The following IL4R variants were observed in gnomAD, a reference collection of about 807,000 sequenced individuals.
IL4R encodes the protein interleukin-4 receptor subunit alpha.
A neutral mutation model predicts 41.5 loss-of-function variants in IL4R; 17 were observed. The observed-to-expected ratio is 0.41, with a 90% CI of 0.28 to 0.61. The LOEUF is 0.61. Ranked by LOEUF, IL4R falls within the 20% of genes least tolerant of loss-of-function variation. The pLI, the probability that IL4R is intolerant of heterozygous loss-of-function variation, is 0.31. For missense variants in IL4R, 974 were observed against 1,043.1 expected (o/e 0.93, Z 0.91); for synonymous variants, 402 against 422.9 (o/e 0.95, Z 0.61).
intron 1 of IL4R, among the ~76,000 whole-genome samples, chr16:27,320,749 T>C (rs2084790398): frequency 6.6e-6 from 1 of 152,162 alleles, no homozygotes; most frequent in Non-Finnish European, 1.5e-5. Flanking sequence ...TATTCTGCCT[T>C]TTTAAAAGGG....
intron 2 of IL4R, among the ~76,000 whole-genome samples, chr16:27,337,957 T>TC (rs2085309948): frequency 6.8e-6 from 1 of 147,120 alleles, no homozygotes; most frequent in Non-Finnish European, 1.5e-5. Context: ...TTTTTTCTTT[T>TC]CCTTTTTTTT....
At chr16:27,344,141 C>T (rs1241524990) in intron 4 of IL4R, among the ~76,000 whole-genome samples, 1 of 151,870 alleles carries the variant, frequency 6.6e-6, no homozygotes, top group Non-Finnish European at 1.5e-5. Flanking sequence ...TCCATCTCTA[C>T]TAAAAATACA....
chr16:27,337,700 C>T (rs569455314), intron 2 of IL4R, among the ~76,000 whole-genome samples: 1 of 151,906 alleles, frequency 6.6e-6, no homozygotes, highest in South Asian at 2.1e-4. Flanking sequence ...CTGCCTCAGC[C>T]TCCTGAGTAG....
In IL4R at chr16:27,359,265, G is replaced by T. The variant is rs183538963; in HGVS notation, c.849+271G>T. 2.0e-5 allele frequency among the ~76,000 whole-genome samples: 3 copies of T among 152,316 alleles called. No individual in the cohort carries two copies. The East Asian group carries it at 5.8e-4, about 29-fold the overall frequency. ...CTCCCCTTGGGAGAATGACCCTTGG[G>T]TCATCATCACTGTGTCATTCCCTGG... On this transcript the variant is annotated intron_variant, in intron 9 of 10. Transcript: ENST00000395762.
chr16:27,347,727 C>T (rs891327231), intron 6 of IL4R, among the ~76,000 whole-genome samples: 4 of 152,216 alleles, frequency 2.6e-5, no homozygotes, highest in African/African-American at 9.7e-5. Context: ...ACCTGGGGTC[C>T]CACAGGGCTG....
In IL4R at chr16:27,362,951, C is replaced by A; in HGVS notation, c.1599C>A (p.Val533=). The change falls in exon 11 of 11, where the codon GTC becomes GTA. Residue 533 remains valine (V), a synonymous_variant. Coordinates refer to ENST00000395762, the MANE Select transcript of IL4R (RefSeq NM_000418.4). The part of the protein sequence containing the change: ...LEEVEPEMPC[V]PQLSEPTTVP... ...AAGTAGAACCCGAGATGCCCTGTGT[C>A]CCCCAGCTCTCTGAGCCAACCACTG... is the stretch of plus-strand genomic sequence containing the variant. 1.2e-6 allele frequency: 2 copies of A among 1,614,148 alleles called. No individual in the cohort carries two copies. Among genetic ancestry groups the A allele is most frequent in the Non-Finnish European group, 1.7e-6 (2 of 1,180,034 alleles).
At chr16:27,352,783 G>A in intron 7 of IL4R, 87 bp downstream of exon 7, 1 of 1,373,578 alleles carries the variant, frequency 7.3e-7, no homozygotes, top group Non-Finnish European at 1.0e-6. Context: ...GAGTCTCTGG[G>A]CTTTTATATC....
intron 2 of IL4R, among the ~76,000 whole-genome samples, chr16:27,338,639 G>A (rs534625534): frequency 1.3e-5 from 2 of 152,212 alleles, no homozygotes; most frequent in East Asian, 3.9e-4. Context: ...CTTTGGAGAA[G>A]TGATTAAGTC....
intron 1 of IL4R, among the ~76,000 whole-genome samples, chr16:27,327,781 C>T (rs2084999368): frequency 6.6e-6 from 1 of 152,096 alleles, no homozygotes; most frequent in African/African-American, 2.4e-5. Flanking sequence ...ATGTTAATGG[C>T]ACCTACCTCA....
rs115235696 is a variant in IL4R, at chr16:27,336,298, G to A, written c.-18-3888G>A. ...ACTGAGAGTGAAAAACAGAATGGTC[G>A]TATGGGTGCTCCAAGTACTGCTTCT... is the stretch of plus-strand genomic sequence containing the variant. On this transcript the variant is annotated intron_variant, in intron 2 of 10. Transcript: ENST00000395762. Among the ~76,000 whole-genome samples, 1,141 of 152,188 alleles carry A rather than the reference G, an allele frequency of 7.5e-3. 15 individuals carry two copies. Among genetic ancestry groups the A allele is most frequent in the African/African-American group, 0.026 (1,068 of 41,516 alleles).
At chr16:27,314,766 C>T (rs1219415200) in intron 1 of IL4R, among the ~76,000 whole-genome samples, 1 of 152,142 alleles carries the variant, frequency 6.6e-6, no homozygotes, top group Admixed American at 6.6e-5. Context: ...CCAGAATCTC[C>T]GGGAGATTTG....
intron 2 of IL4R, among the ~76,000 whole-genome samples, chr16:27,331,211 A>G (rs1333700227): frequency 6.6e-6 from 1 of 152,154 alleles, no homozygotes; most frequent in African/African-American, 2.4e-5. Flanking sequence ...GCACCTTGCC[A>G]GAAACAGGGT....
intron 4 of IL4R, 148 bp from the exon 5 acceptor site, chr16:27,344,721 C>T (rs1290240977): frequency 8.6e-6 from 7 of 815,288 alleles, no homozygotes; most frequent in Non-Finnish European, 1.1e-5. Context: ...CACACCCTGG[C>T]CGCTCCCAAG....
intron 10 of IL4R, among the ~76,000 whole-genome samples, chr16:27,361,459 T>TA (rs1421966817): frequency 6.6e-6 from 1 of 151,786 alleles, no homozygotes; most frequent in Non-Finnish European, 1.5e-5. Context: ...AAAAAAATAA[T>TA]ACCAAAAAAA....
intron 9 of IL4R, among the ~76,000 whole-genome samples, chr16:27,359,645 C>G (rs1042431242): frequency 1.3e-5 from 2 of 152,152 alleles, no homozygotes; most frequent in Non-Finnish European, 2.9e-5. Flanking sequence ...CTCTGCCACT[C>G]ACTGGCAGTG....
chr16:27,342,471 A>G (rs556771136), intron 4 of IL4R, among the ~76,000 whole-genome samples: 50 of 152,102 alleles, frequency 3.3e-4, no homozygotes, highest in Non-Finnish European at 5.3e-4. Context: ...CACGTGGCAC[A>G]TGGATACGGC....
Position 27,346,465 on chromosome 16 carries a change from A to G in IL4R, c.362-2A>G. On this transcript the variant is annotated splice_acceptor_variant, in intron 5 of 10. Coordinates refer to ENST00000395762, the MANE Select transcript of IL4R (RefSeq NM_000418.4). LOFTEE classifies it high-confidence loss of function. The stretch of plus-strand genomic sequence containing the variant: ...CTCACATAGAGGCCGCTTCTCCCGC[A>G]GTGAAACCCAGGGCCCCAGGAAACC... 1 of 1,614,158 alleles carries G rather than the reference A, an allele frequency of 6.2e-7. No homozygotes were observed. The highest frequency in any genetic ancestry group is 8.5e-7 in the Non-Finnish European group (1 of 1,180,044).
In IL4R at chr16:27,352,686, G is replaced by C. The variant is rs1264552365; in HGVS notation, c.660G>C (p.Lys220Asn). 5 of 1,614,034 alleles carry C rather than the reference G, an allele frequency of 3.1e-6. No individual in the cohort carries two copies. The African/African-American group carries it at 6.7e-5, about 22-fold the overall frequency. Residue 220 changes from lysine to asparagine, a missense_variant, in exon 7 of 11, where the codon AAG becomes AAC. By Grantham distance (94) the Lys-to-Asn change is moderately conservative (BLOSUM62 0). Transcript: ENST00000395762. Reference sequence around the variant, plus strand: ...GGAGTGAGTGGAGCCCCAGCACCAAGTGGCACAACTGTGAGTATCAAGAGG... The same window carrying C: ...GGAGTGAGTGGAGCCCCAGCACCAACTGGCACAACTGTGAGTATCAAGAGG... ...TTWSEWSPST[K>N]WHNSYREPFE...
At position 27,322,212 on chromosome 16, in the gene IL4R, T is replaced by G. The variant is rs138533974; in HGVS notation, c.-151-7854T>G. Among the ~76,000 whole-genome samples the G allele has an allele frequency of 3.3e-3, 495 of 152,306 alleles. 3 individuals carry two copies. The highest frequency in any genetic ancestry group is 0.011 in the African/African-American group (463 of 41,550). On this transcript the variant is annotated intron_variant, in intron 1 of 10. Transcript: ENST00000395762. Reference sequence around the variant, plus strand: ...GAGTCTGTCAGTTTTTTGCTTTATTTTTGAAGCTATGTTGTTAAGTGCATA... The same window carrying G: ...GAGTCTGTCAGTTTTTTGCTTTATTGTTGAAGCTATGTTGTTAAGTGCATA...
Sources: gnomAD v4.1 joint callset for allele counts (sites outside exome capture counted in the v4.1 genomes callset) on GRCh38, gnomAD v4.1.1 for gene constraint, MANE v1.5 for transcripts, NCBI Gene and HGNC (gene_info 2026-07-23, HGNC 2026-07-21) for gene names.